TMOD2: variants seen among roughly 807,000 people sequenced by gnomAD.
TMOD2 encodes the protein tropomodulin 2.
A neutral mutation model predicts 39.9 loss-of-function variants in TMOD2; 22 were observed. The ratio of observed to expected loss-of-function variants is 0.55; its 90% confidence interval spans 0.39 to 0.79. The LOEUF is 0.79. TMOD2 is among the 30% of genes least tolerant of loss of function. TMOD2 has a pLI of 0.00. For synonymous variants in TMOD2, 123 were observed against 146.1 expected (o/e 0.84, Z 1.14); for missense variants, 386 against 413.3 (o/e 0.93, Z 0.57).
At chr15:51,771,841 A>G (rs2055856046) in intron 3 of TMOD2, among the ~76,000 whole-genome samples, 1 of 152,112 alleles carries the variant, frequency 6.6e-6, no homozygotes, top group Non-Finnish European at 1.5e-5. Flanking sequence ...TCTTCTGGCC[A>G]TCCTCCTAAT....
At chr15:51,758,511 T>A (rs2055758067) in intron 1 of TMOD2, among the ~76,000 whole-genome samples, 1 of 152,196 alleles carries the variant, frequency 6.6e-6, no homozygotes, top group African/African-American at 2.4e-5. Flanking sequence ...GCGGGTTCAT[T>A]TGAACTCATT....
At chr15:51,797,011 C>T (rs1381447431) in intron 7 of TMOD2, among the ~76,000 whole-genome samples, 2 of 152,190 alleles carry the variant, frequency 1.3e-5, no homozygotes, top group Non-Finnish European at 2.9e-5. Context: ...ACCTCCTGGG[C>T]GACATAGACC....
chr15:51,797,088 G>T (rs144605225), intron 7 of TMOD2, among the ~76,000 whole-genome samples: 1 of 152,192 alleles, frequency 6.6e-6, no homozygotes, highest in Non-Finnish European at 1.5e-5. Context: ...TATTTCTGGG[G>T]TTGTCCATTT....
At chr15:51,782,022 T>C (rs1232438229) in intron 6 of TMOD2, among the ~76,000 whole-genome samples, 1 of 152,244 alleles carries the variant, frequency 6.6e-6, no homozygotes, top group Non-Finnish European at 1.5e-5. Flanking sequence ...AGAGTTAGTC[T>C]GTAGTGCAGC....
chr15:51,775,570 CTTTTTTTTTTTTTTT>C (rs869308022), intron 4 of TMOD2, among the ~76,000 whole-genome samples: 2 of 81,210 alleles, frequency 2.5e-5, no homozygotes, highest in African/African-American at 1.0e-4. Flanking sequence ...ATTCTTTTTC[CTTTTTTTTTTTTTTT>C]TTTTTTTTTT....
intron 8 of TMOD2, among the ~76,000 whole-genome samples, chr15:51,803,474 C>A (rs996730802): frequency 6.6e-6 from 1 of 152,150 alleles, no homozygotes; most frequent in African/African-American, 2.4e-5. Context: ...AGCCACCATG[C>A]CTGGCCCTAT....
At chr15:51,782,682 A>G (rs1395629645) in intron 6 of TMOD2, 39 bp from the exon 7 acceptor site, 5 of 1,524,338 alleles carry the variant, frequency 3.3e-6, no homozygotes, top group Non-Finnish European at 4.5e-6. Context: ...AGTGTGCCAT[A>G]CAATGGTTCA....
intron 3 of TMOD2, among the ~76,000 whole-genome samples, chr15:51,773,119 C>G (rs571055585): frequency 6.6e-6 from 1 of 152,146 alleles, no homozygotes; most frequent in African/African-American, 2.4e-5. Flanking sequence ...CAGGCTCCCC[C>G]ACAAATAGCC....
chr15:51,770,051 C>G (rs189956693), intron 3 of TMOD2, among the ~76,000 whole-genome samples: 1 of 152,130 alleles, frequency 6.6e-6, no homozygotes, highest in East Asian at 1.9e-4. Flanking sequence ...AACAAACAAA[C>G]CAAATCTTGG....
At chr15:51,751,862 G>C (rs1433166720) in intron 1 of TMOD2, 150 bp downstream of exon 1, 1 of 150,072 alleles carries the variant, frequency 6.7e-6, no homozygotes, top group Non-Finnish European at 1.5e-5. Context: ...TGCAGAGCCG[G>C]GCCGCCTCTC....
chr15:51,752,400 A>C (rs2055711766), intron 1 of TMOD2: 1 of 152,244 alleles, frequency 6.6e-6, no homozygotes, highest in East Asian at 1.9e-4. Flanking sequence ...GAATTTTTAG[A>C]GTATTCAGAG....
At chr15:51,782,615 G>A (rs1283194150) in intron 6 of TMOD2, 106 bp from the exon 7 acceptor site, 2 of 839,346 alleles carry the variant, frequency 2.4e-6, no homozygotes, top group African/African-American at 1.7e-5. Context: ...AAGGGATATC[G>A]TGTATTTATC....
intron 7 of TMOD2, among the ~76,000 whole-genome samples, chr15:51,785,150 C>T (rs948925862): frequency 1.3e-5 from 2 of 152,102 alleles, no homozygotes; most frequent in African/African-American, 4.8e-5. Context: ...CGGTGGCTCA[C>T]GCCTGTAATC....
In TMOD2 at chr15:51,779,524, G is replaced by A. The variant is rs561446256; in HGVS notation, c.494-1520G>A. The stretch of plus-strand genomic sequence containing the variant: ...GCCTCCCCAGCAGCTGGGACTACAG[G>A]CACCCACCACCACGCCCGGCTAATT... On this transcript the variant is annotated intron_variant, in intron 5 of 9. Coordinates refer to ENST00000249700, the MANE Select transcript of TMOD2 (RefSeq NM_014548.4). Among the ~76,000 whole-genome samples, 58 of 152,118 alleles carry A rather than the reference G, an allele frequency of 3.8e-4. 1 individual carries two copies. The highest frequency in any genetic ancestry group is 1.3e-3 in the African/African-American group (56 of 41,506).
chr15:51,804,389 T>C (rs938353013), intron 8 of TMOD2, among the ~76,000 whole-genome samples: 1 of 152,082 alleles, frequency 6.6e-6, no homozygotes. Flanking sequence ...AAAAAAAGCA[T>C]AGATATACAA....
At chr15:51,796,963 C>T (rs1188764302) in intron 7 of TMOD2, among the ~76,000 whole-genome samples, 1 of 152,180 alleles carries the variant, frequency 6.6e-6, no homozygotes, top group Non-Finnish European at 1.5e-5. Context: ...GGTTCATAGG[C>T]AGGGACAGCA....
In TMOD2 at chr15:51,751,624, G is replaced by C. The variant is rs925763278; in HGVS notation, c.-158G>C. The C allele has an allele frequency of 5.0e-6, 1 of 201,124 alleles. No individual in the cohort carries two copies. Among genetic ancestry groups the C allele is most frequent in the Non-Finnish European group, 9.9e-6 (1 of 101,000 alleles). 12.5% of individuals were successfully genotyped at this position (201,124 alleles called of 1,614,324 possible). ...TGATCGCCGCGCTCGCCCCGGCCAC[G>C]GCGCCGCCCCTGTTCTCCCGGCCCC... On this transcript the variant is annotated 5_prime_UTR_variant, in exon 1 of 10. Transcript: ENST00000249700.
At chr15:51,789,720 C>G (rs1425385648) in intron 7 of TMOD2, among the ~76,000 whole-genome samples, 1 of 152,176 alleles carries the variant, frequency 6.6e-6, no homozygotes, top group African/African-American at 2.4e-5. Flanking sequence ...CAAAACTGCA[C>G]AACTACGTGG....
At chr15:51,776,034 G>T (rs2055886478) in intron 4 of TMOD2, among the ~76,000 whole-genome samples, 1 of 152,168 alleles carries the variant, frequency 6.6e-6, no homozygotes, top group African/African-American at 2.4e-5. Context: ...AACTTCCCAA[G>T]TCACACAGTT....
Sources: allele counts gnomAD v4.1 joint callset (sites outside exome capture counted in the v4.1 genomes callset), GRCh38; gene constraint gnomAD v4.1.1; transcripts MANE v1.5; gene names NCBI Gene and HGNC (gene_info 2026-07-23, HGNC 2026-07-21).